Variants in MADD observed in about 807,000 individuals in gnomAD.
MADD encodes the protein MAP kinase-activating death domain protein.
A neutral mutation model predicts 176.7 loss-of-function variants in MADD; 109 were observed. The ratio of observed to expected loss-of-function variants is 0.62; its 90% CI spans 0.53 to 0.72. The LOEUF (loss-of-function observed/expected upper bound fraction) is 0.72, where lower values mean the gene tolerates loss of function less well. MADD is among the 30% of genes least tolerant of loss of function. The probability of loss-of-function intolerance (pLI) is 0.00; values close to 1 mark genes in which losing one functional copy is unlikely to be tolerated. For synonymous variants in MADD, 771 were observed against 771.3 expected (o/e 1.00, Z 0.01); for missense variants, 1,914 against 2,045.5 (o/e 0.94, Z 1.24).
At chr11:47,279,034 C>T (rs778486334) in exon 7 of MADD, 2 of 1,614,028 alleles carry the variant, frequency 1.2e-6, no homozygotes, top group East Asian at 2.2e-5. Flanking sequence ...TGCTGCCTAT[C>T]CTGCCAGAAC....
intron 28 of MADD, 66 bp from the exon 32 acceptor site, chr11:47,324,199 A>G (rs1313000149): frequency 4.1e-6 from 6 of 1,452,062 alleles, no homozygotes; most frequent in East Asian, 2.3e-5. Context: ...AGTGGCCATT[A>G]TAGAGCAGTG....
chr11:47,303,313 C>T (rs533909833), intron 22 of MADD, among the ~76,000 whole-genome samples: 24 of 146,012 alleles, frequency 1.6e-4, no homozygotes, highest in Non-Finnish European at 2.2e-4. Flanking sequence ...GCAATCTCGG[C>T]TCACTGCAAG....
At chr11:47,304,225 ATT>A (rs1027673730) in intron 22 of MADD, among the ~76,000 whole-genome samples, 4 of 134,372 alleles carry the variant, frequency 3.0e-5, no homozygotes, top group Non-Finnish European at 6.5e-5. Context: ...TCTCTATTGT[ATT>A]TTTTCCTTTT....
intron 20 of MADD, 30 bp from the exon 23 acceptor site, chr11:47,295,466 C>T: frequency 1.9e-6 from 3 of 1,562,710 alleles, no homozygotes; most frequent in Non-Finnish European, 2.6e-6. Context: ...GATTGGACAC[C>T]TCCCCTAATG....
intron 21 of MADD, 147 bp downstream of exon 23, chr11:47,295,726 A>G (rs898526202): frequency 6.5e-7 from 1 of 1,528,472 alleles, no homozygotes; most frequent in South Asian, 1.3e-5. Flanking sequence ...AGGTGTGTGT[A>G]TACGAGATTT....
At chr11:47,295,873 C>G in intron 21 of MADD, 24 bp from the exon 24 acceptor site, 1 of 1,605,142 alleles carries the variant, frequency 6.2e-7, no homozygotes. Context: ...GGGACTGTCT[C>G]TTACTACCTT....
rs1233279427 is a variant in MADD, at chr11:47,286,481, C to T, written c.2600C>T (p.Thr867Ile). Residue 867 changes from threonine to isoleucine, a missense_variant, in exon 15 of 33, where the codon ACA becomes ATA. Transcript: ENST00000402192. ...ACCAGCTTCAGTCTTTCAAACCTCA[C>T]ACTGCCCACCAAAGGTGCCCGAGAG... is the stretch of plus-strand genomic sequence containing the variant. The T allele has an allele frequency of 1.9e-6, 3 of 1,614,076 alleles. No individual in the cohort carries two copies. The highest frequency in any genetic ancestry group is 2.5e-6 in the Non-Finnish European group (3 of 1,180,030).
At chr11:47,317,659 C>T (rs1018412947) in intron 27 of MADD, among the ~76,000 whole-genome samples, 1 of 152,200 alleles carries the variant, frequency 6.6e-6, no homozygotes, top group African/African-American at 2.4e-5. Flanking sequence ...CTCTCTTACA[C>T]ATCAGTGGGC....
chr11:47,319,573 AG>A (rs1374806474), intron 27 of MADD, among the ~76,000 whole-genome samples: 1 of 152,222 alleles, frequency 6.6e-6, no homozygotes, highest in Non-Finnish European at 1.5e-5. Flanking sequence ...TTTGTCCCAG[AG>A]GTAACCAGTA....
chr11:47,284,552 A>G, exon 12 of MADD: 1 of 1,613,862 alleles, frequency 6.2e-7, no homozygotes, highest in South Asian at 1.1e-5. Context: ...ACTGTCATCC[A>G]CGGAGCCAAC....
At chr11:47,292,574 G>A in intron 19 of MADD, 1 of 1,613,924 alleles carries the variant, frequency 6.2e-7, no homozygotes, top group South Asian at 1.1e-5. Context: ...AAGTGAAAAA[G>A]CAAAAAGCTT....
At chr11:47,292,670 C>A in intron 19 of MADD, 74 bp downstream of exon 21, 1 of 1,472,964 alleles carries the variant, frequency 6.8e-7, no homozygotes, top group Non-Finnish European at 9.5e-7. Flanking sequence ...TTGGGGCAGG[C>A]TCCCTTTGTC....
chr11:47,292,783 G>T (rs1324068687), intron 19 of MADD, among the ~76,000 whole-genome samples, 187 bp downstream of exon 21: 1 of 151,878 alleles, frequency 6.6e-6, no homozygotes, highest in Non-Finnish European at 1.5e-5. Context: ...CCCTCCCCTC[G>T]TGTCAATCAG....
rs1159637532 is a variant in MADD, at chr11:47,307,645, C to CT, written c.3643-932dup. Among the ~76,000 whole-genome samples, 418 of 142,260 alleles carry CT rather than the reference C, an allele frequency of 2.9e-3. 2 individuals carry two copies. The highest frequency in any genetic ancestry group is 0.018 in the Middle Eastern group (5 of 272). 93.3% of individuals were successfully genotyped at this position (142,260 alleles called of 152,430 possible). On this transcript the variant is annotated intron_variant, in intron 22 of 32. Transcript: ENST00000402192. ...ACCTACCTCTGATCTAGTTGAAAAT[C>CT]TTTTTTTTTTTTTTGTGAGATGGAG...
At chr11:47,322,469 G>T (rs940734252) in intron 27 of MADD, among the ~76,000 whole-genome samples, 1 of 152,182 alleles carries the variant, frequency 6.6e-6, no homozygotes, top group East Asian at 1.9e-4. Flanking sequence ...AAAATTAGCC[G>T]GGCATGGTGG....
At chr11:47,319,443 A>T (rs1278423540) in intron 27 of MADD, among the ~76,000 whole-genome samples, 1 of 152,116 alleles carries the variant, frequency 6.6e-6, no homozygotes, top group African/African-American at 2.4e-5. Flanking sequence ...AAAGATTTTT[A>T]AAAATTGTCT....
chr11:47,276,961 C>T (rs1199953245), intron 5 of MADD, 98 bp downstream of exon 5: 1 of 1,383,800 alleles, frequency 7.2e-7, no homozygotes, highest in African/African-American at 1.4e-5. Context: ...GGTCCTCAAT[C>T]CTTTGTCATA....
intron 1 of MADD, chr11:47,270,980 C>T (rs900475456): frequency 2.6e-5 from 4 of 152,208 alleles, no homozygotes; most frequent in Admixed American, 2.6e-4. Flanking sequence ...ACTGTGAGAT[C>T]CTGTCCAAAA....
At chr11:47,327,497 T>G in intron 31 of MADD, 2 of 985,438 alleles carry the variant, frequency 2.0e-6, no homozygotes, top group Non-Finnish European at 2.4e-6. Context: ...CCTTGGGCCC[T>G]GCCCTGGGTG....
Sources: gnomAD v4.1 joint callset for allele counts (sites outside exome capture counted in the v4.1 genomes callset) on GRCh38, gnomAD v4.1.1 for gene constraint, MANE v1.5 for transcripts, NCBI Gene and HGNC (gene_info 2026-07-23, HGNC 2026-07-21) for gene names.